The following NCAM2 variants were observed in gnomAD, a reference collection of about 807,000 sequenced individuals.
NCAM2 encodes neural cell adhesion molecule 2.
NCAM2 carries 30 observed loss-of-function variants against 98.1 expected under a neutral mutation model. The ratio of observed to expected loss-of-function variants is 0.31; its 90% CI spans 0.23 to 0.41. The LOEUF is 0.41. NCAM2 is among the 10% of genes least tolerant of loss of function. The pLI, the probability that NCAM2 is intolerant of heterozygous loss-of-function variation, is 1.00. For missense variants in NCAM2, 867 were observed against 1,005.8 expected (o/e 0.86, Z 1.87); for synonymous variants, 368 against 342.4 (o/e 1.07, Z -0.83).
chr21:21,446,510 T>C (rs183633920), intron 12 of NCAM2, among the ~76,000 whole-genome samples: 37 of 152,162 alleles, frequency 2.4e-4, no homozygotes, highest in Admixed American at 1.4e-3. Flanking sequence ...CCATATTCTG[T>C]CATCACTCCT....
intron 8 of NCAM2, among the ~76,000 whole-genome samples, chr21:21,347,093 TA>T (rs1401114812): frequency 6.6e-6 from 1 of 151,882 alleles, no homozygotes; most frequent in Non-Finnish European, 1.5e-5. Context: ...GTTGCTTTAT[TA>T]AAAAGTTAAA....
chr21:21,230,125 A>T (rs1215673897), intron 1 of NCAM2, among the ~76,000 whole-genome samples: 1 of 151,068 alleles, frequency 6.6e-6, no homozygotes, highest in African/African-American at 2.4e-5. Context: ...GATTTGGATG[A>T]TTACTCTCTG....
intron 5 of NCAM2, among the ~76,000 whole-genome samples, chr21:21,319,332 CA>C (rs2074309115): frequency 6.6e-6 from 1 of 152,060 alleles, no homozygotes; most frequent in Non-Finnish European, 1.5e-5. Context: ...TACGAGTTAA[CA>C]ACTGTAATTA....
At chr21:21,136,642 A>T (rs866171966) in intron 1 of NCAM2, among the ~76,000 whole-genome samples, 60,834 of 146,142 alleles carry the variant, frequency 0.42, 13,162 homozygotes, top group African/African-American at 0.54. Context: ...TTTTTTTTTT[A>T]TTTTTAGTAG....
At chr21:21,399,064 G>T (rs1392554466) in intron 9 of NCAM2, among the ~76,000 whole-genome samples, 4 of 152,146 alleles carry the variant, frequency 2.6e-5, no homozygotes, top group Admixed American at 2.6e-4. Flanking sequence ...GTGACCAAGG[G>T]TGGCAGACAT....
intron 12 of NCAM2, among the ~76,000 whole-genome samples, chr21:21,455,556 A>T (rs1445637507): frequency 6.6e-6 from 1 of 151,912 alleles, no homozygotes; most frequent in Non-Finnish European, 1.5e-5. Flanking sequence ...TCTCCAGAAA[A>T]CATGTTTTAA....
rs1473319971 is a variant in NCAM2 at position 21,540,200 on chromosome 21, TTC to T, written c.*2245_*2246del. On this transcript the variant is annotated 3_prime_UTR_variant, in exon 18 of 18. Coordinates refer to ENST00000400546, the MANE Select transcript of NCAM2 (RefSeq NM_004540.5). Reference sequence around the variant, plus strand: ...TTTTTGTGTTTTCTCAATGTGACATTTCTGTTTCTCTCATTTATTCGGATTTT... The same window carrying T: ...TTTTTGTGTTTTCTCAATGTGACATTTGTTTCTCTCATTTATTCGGATTTT... 1 of 151,730 alleles carries T rather than the reference TTC, an allele frequency of 6.6e-6. No homozygotes were observed. Among genetic ancestry groups the T allele is most frequent in the Non-Finnish European group, 1.5e-5 (1 of 67,932 alleles). 9.4% of individuals were successfully genotyped at this position (151,730 alleles called of 1,614,324 possible).
intron 1 of NCAM2, among the ~76,000 whole-genome samples, chr21:21,232,637 A>G (rs1185245483): frequency 6.6e-6 from 1 of 151,620 alleles, no homozygotes; most frequent in East Asian, 1.9e-4. Flanking sequence ...TAATAGGACT[A>G]ATTTTTGCTA....
chr21:21,536,501 C>T (rs1209580195), intron 17 of NCAM2, among the ~76,000 whole-genome samples: 2 of 151,676 alleles, frequency 1.3e-5, no homozygotes, highest in South Asian at 4.1e-4. Context: ...AAGCAATTCT[C>T]CTGTCTCAGC....
At chr21:21,385,466 G>C in intron 9 of NCAM2, 1 of 413,916 alleles carries the variant, frequency 2.4e-6, no homozygotes, top group Non-Finnish European at 4.7e-6. Context: ...GCACCTACAG[G>C]GTAATACTGC....
At chr21:21,446,446 C>T (rs1043385997) in intron 12 of NCAM2, among the ~76,000 whole-genome samples, 1 of 151,914 alleles carries the variant, frequency 6.6e-6, no homozygotes, top group African/African-American at 2.4e-5. Context: ...TTCCATTCTC[C>T]CTATCTTCTT....
intron 1 of NCAM2, among the ~76,000 whole-genome samples, chr21:21,266,770 A>T (rs1240274401): frequency 6.6e-6 from 1 of 152,168 alleles, no homozygotes; most frequent in East Asian, 1.9e-4. Context: ...TACCTAATGT[A>T]AATGACGAGT....
chr21:21,315,043 T>C (rs2147743498), intron 5 of NCAM2, among the ~76,000 whole-genome samples: 1 of 152,298 alleles, frequency 6.6e-6, no homozygotes, highest in South Asian at 2.1e-4. Context: ...CTGGATCTTA[T>C]TTCAGTATTA....
At chr21:21,330,474 C>A (rs1035996427) in intron 6 of NCAM2, among the ~76,000 whole-genome samples, 4 of 151,856 alleles carry the variant, frequency 2.6e-5, no homozygotes, top group African/African-American at 9.7e-5. Context: ...TAACTAAATT[C>A]TATACTTATC....
chr21:21,407,194 A>G (rs187147481), intron 9 of NCAM2, among the ~76,000 whole-genome samples: 1 of 152,338 alleles, frequency 6.6e-6, no homozygotes, highest in Admixed American at 6.5e-5. Flanking sequence ...TGTTAATTGC[A>G]TTGACATGCT....
In NCAM2 at chr21:21,532,953, C is replaced by T. The variant is rs527329418; in HGVS notation, c.2283-1584C>T. On this transcript the variant is annotated intron_variant, in intron 16 of 17. Coordinates refer to ENST00000400546, the MANE Select transcript of NCAM2 (RefSeq NM_004540.5). Reference sequence around the variant, plus strand: ...ATTTTCAGAGCTAAAAAAGTTTATTCACTTCTAGATTTCTTCTATTCTTAT... The same window carrying T: ...ATTTTCAGAGCTAAAAAAGTTTATTTACTTCTAGATTTCTTCTATTCTTAT... 1.2e-3 allele frequency among the ~76,000 whole-genome samples: 189 copies of T among 152,088 alleles called. 1 individual carries two copies. Among genetic ancestry groups the T allele is most frequent in the Non-Finnish European group, 2.2e-3 (147 of 67,930 alleles).
At chr21:21,080,656 CA>C (rs1340023403) in intron 1 of NCAM2, among the ~76,000 whole-genome samples, 10 of 53,274 alleles carry the variant, frequency 1.9e-4, no homozygotes, top group Non-Finnish European at 2.7e-4. Context: ...GATAAGATCT[CA>C]AAAAAAAAAA....
At chr21:21,217,140 T>C (rs1422229253) in intron 1 of NCAM2, among the ~76,000 whole-genome samples, 1 of 152,196 alleles carries the variant, frequency 6.6e-6, no homozygotes, top group African/African-American at 2.4e-5. Flanking sequence ...TTTGCTGTCA[T>C]GGTATGTGAG....
chr21:21,363,099 T>A (rs1189041061), intron 8 of NCAM2, among the ~76,000 whole-genome samples: 1 of 152,162 alleles, frequency 6.6e-6, no homozygotes, highest in Non-Finnish European at 1.5e-5. Flanking sequence ...AGATGTAATT[T>A]TTGATTGATT....
Sources: gnomAD v4.1 joint callset for allele counts (sites outside exome capture counted in the v4.1 genomes callset) on GRCh38, gnomAD v4.1.1 for gene constraint, MANE v1.5 for transcripts, NCBI Gene and HGNC (gene_info 2026-07-23, HGNC 2026-07-21) for gene names.